GSE1: variants seen among roughly 807,000 people sequenced by gnomAD.
GSE1 encodes genetic suppressor element 1.
A neutral mutation model predicts 112.6 loss-of-function variants in GSE1; 32 were observed. The ratio of observed to expected loss-of-function variants is 0.28; its 90% confidence interval spans 0.21 to 0.38. GSE1 has a LOEUF of 0.38. GSE1 is among the 10% of genes least tolerant of loss of function. The pLI, the probability that GSE1 is intolerant of heterozygous loss-of-function variation, is 1.00. For synonymous variants in GSE1, 1,115 were observed against 735.6 expected (o/e 1.52, Z -8.35); for missense variants, 2,348 against 1,699.2 (o/e 1.38, Z -6.71).
chr16:85,229,136 G>A (rs151121418), intron 1 of GSE1, among the ~76,000 whole-genome samples: 2,914 of 152,370 alleles, frequency 0.019, 47 homozygotes, highest in Non-Finnish European at 0.025. Flanking sequence ...GCAGGGGGCT[G>A]AGGTCTCCCT....
intron 2 of GSE1, among the ~76,000 whole-genome samples, chr16:85,430,165 CGTT>C (rs984692127): frequency 2.0e-5 from 3 of 152,196 alleles, no homozygotes; most frequent in African/African-American, 7.2e-5. Context: ...AGGCTAGGAA[CGTT>C]GCCCGTGAGC....
chr16:85,629,860 G>C (rs954260160), intron 1 of GSE1, among the ~76,000 whole-genome samples: 11 of 152,208 alleles, frequency 7.2e-5, no homozygotes, highest in African/African-American at 2.4e-4. Context: ...GATGCTGACC[G>C]TATCAGTTAT....
chr16:85,270,754 G>A (rs1312140540), intron 1 of GSE1, among the ~76,000 whole-genome samples: 1 of 125,966 alleles, frequency 7.9e-6, no homozygotes, highest in African/African-American at 2.5e-5. Flanking sequence ...GTCGCCCTGG[G>A]TGTTTCCGGG....
At chr16:85,519,598 TCACCACCATCATCACCATCAC>T (rs2052097448) in intron 2 of GSE1, among the ~76,000 whole-genome samples, 1 of 148,818 alleles carries the variant, frequency 6.7e-6, no homozygotes, top group Admixed American at 6.7e-5. Flanking sequence ...ATCATCACCT[TCACCACCATCATCACCATCAC>T]CACCACCATC....
intron 2 of GSE1, among the ~76,000 whole-genome samples, chr16:85,369,745 C>T (rs546290585): frequency 6.6e-6 from 1 of 152,368 alleles, no homozygotes; most frequent in Admixed American, 6.5e-5. Context: ...GCCTAACACA[C>T]TCTCCCTGGC....
chr16:85,626,286 T>TAA (rs2049063678), intron 1 of GSE1, among the ~76,000 whole-genome samples: 1 of 152,216 alleles, frequency 6.6e-6, no homozygotes. Flanking sequence ...GGAGGGCAGA[T>TAA]ATGATAATGA....
intron 1 of GSE1, among the ~76,000 whole-genome samples, chr16:85,258,220 C>G (rs534094829): frequency 6.6e-6 from 1 of 152,202 alleles, no homozygotes; most frequent in Non-Finnish European, 1.5e-5. Context: ...GAAGCTCCCC[C>G]AAAACTGTAA....
chr16:85,483,155 C>T (rs1033466163), intron 2 of GSE1, among the ~76,000 whole-genome samples: 2 of 152,224 alleles, frequency 1.3e-5, no homozygotes, highest in African/African-American at 4.8e-5. Context: ...AATGAATTTC[C>T]TGTTTACACT....
At chr16:85,268,599 C>T (rs1437858388) in intron 1 of GSE1, among the ~76,000 whole-genome samples, 1 of 152,168 alleles carries the variant, frequency 6.6e-6, no homozygotes. Flanking sequence ...GCCATAAGGA[C>T]AGGTGTGAGG....
rs920621363 is a variant in GSE1 at position 85,382,163 on chromosome 16, C to T, written c.2464+24520C>T. ...GCAATGTGGTTATCTCCTGGCCACA[C>T]ATCGCTGCTGGGGCCCGGGGCTCGC... On this transcript the variant is annotated intron_variant, in intron 2 of 2. Coordinates refer to the GSE1 transcript ENST00000637419. Among the ~76,000 whole-genome samples, 39 of 152,214 alleles carry T rather than the reference C, an allele frequency of 2.6e-4. 1 individual carries two copies. Among genetic ancestry groups the T allele is most frequent in the Admixed American group, 6.5e-5 (1 of 15,286 alleles).
chr16:85,342,078 G>A (rs2046635955), intron 1 of GSE1, among the ~76,000 whole-genome samples: 1 of 151,946 alleles, frequency 6.6e-6, no homozygotes, highest in African/African-American at 2.4e-5. Context: ...CCGGTGGCCA[G>A]CCCTCCAGCC....
intron 1 of GSE1, among the ~76,000 whole-genome samples, chr16:85,229,064 A>G (rs1188692664): frequency 6.6e-6 from 1 of 152,232 alleles, no homozygotes; most frequent in African/African-American, 2.4e-5. Flanking sequence ...CCAAGGAGGA[A>G]ACACATCCGC....
chr16:85,618,708 G>T (rs1306023932), intron 1 of GSE1, among the ~76,000 whole-genome samples: 1 of 152,238 alleles, frequency 6.6e-6, no homozygotes, highest in Non-Finnish European at 1.5e-5. Context: ...CCTAGGCTGG[G>T]GCGCAGTGGT....
At chr16:85,449,730 G>C (rs2049620867) in intron 2 of GSE1, among the ~76,000 whole-genome samples, 1 of 152,230 alleles carries the variant, frequency 6.6e-6, no homozygotes, top group South Asian at 2.1e-4. Context: ...CAGCATGCCT[G>C]GGGTTTGGAT....
At chr16:85,513,122 C>T in intron 2 of GSE1, among the ~76,000 whole-genome samples, 1 of 152,168 alleles carries the variant, frequency 6.6e-6, no homozygotes, top group Non-Finnish European at 1.5e-5. Flanking sequence ...ATCTGGGGAG[C>T]TCCTCACCTG....
intron 2 of GSE1, 59 bp downstream of exon 2, chr16:85,634,191 A>T (rs1011220536): frequency 8.3e-7 from 1 of 1,202,136 alleles, no homozygotes; most frequent in African/African-American, 1.6e-5. Flanking sequence ...GCCGGGACTC[A>T]GCCTCCCGCC....
chr16:85,290,149 C>T (rs72807760), intron 1 of GSE1, among the ~76,000 whole-genome samples: 22,351 of 152,146 alleles, frequency 0.15, 1,758 homozygotes, highest in Non-Finnish European at 0.17. Context: ...ATTGGACAGT[C>T]AGTCACTTCC....
rs188534835 is a variant in GSE1 at position 85,311,104 on chromosome 16, C to T, written c.2284-46359C>T. ...TCCAGCAGGCAGGGCATCTGACAGCCGTGGAGGACGGCAGAGGGGAGGGCA... is the reference window on the plus strand; with the variant it reads ...TCCAGCAGGCAGGGCATCTGACAGCTGTGGAGGACGGCAGAGGGGAGGGCA... On this transcript the variant is annotated intron_variant, in intron 1 of 2. Coordinates refer to the GSE1 transcript ENST00000637419. This position sits in a 1 kb window ranked among gnomAD's most constrained non-coding sequence, Gnocchi z 4.2. 8.5e-5 allele frequency among the ~76,000 whole-genome samples: 13 copies of T among 152,324 alleles called. No homozygotes were observed. The highest frequency in any genetic ancestry group is 1.9e-4 in the African/African-American group (8 of 41,592).
At chr16:85,549,485 C>T (rs1332222672) in intron 2 of GSE1, among the ~76,000 whole-genome samples, 1 of 152,180 alleles carries the variant, frequency 6.6e-6, no homozygotes, top group Non-Finnish European at 1.5e-5. Context: ...GCCATGTAGA[C>T]ATCACTTTTG....
Sources: allele counts gnomAD v4.1 joint callset (sites outside exome capture counted in the v4.1 genomes callset), GRCh38; gene constraint gnomAD v4.1.1; non-coding constraint Gnocchi (gnomAD v3.1); transcripts MANE v1.5; gene names NCBI Gene and HGNC (gene_info 2026-07-23, HGNC 2026-07-21).